ERGIC1: variants seen among roughly 807,000 people sequenced by gnomAD.
ERGIC1 encodes the protein endoplasmic reticulum-Golgi intermediate compartment protein 1.
ERGIC1 carries 19 observed loss-of-function variants against 38.3 expected under a neutral mutation model. The observed-to-expected ratio is 0.50, with a 90% CI of 0.35 to 0.73. The LOEUF (loss-of-function observed/expected upper bound fraction) is 0.73. Among genes scored for constraint, ERGIC1 ranks in the 30% least tolerant of loss-of-function variants. The pLI is 0.01. For missense variants in ERGIC1, 294 were observed against 389.2 expected (o/e 0.76, Z 2.06); for synonymous variants, 124 against 157.6 (o/e 0.79, Z 1.60).
intron 1 of ERGIC1, among the ~76,000 whole-genome samples, chr5:172,879,206 A>G (rs757437255): frequency 2.0e-5 from 3 of 152,250 alleles, no homozygotes; most frequent in Non-Finnish European, 2.9e-5. Flanking sequence ...GCATTCTGCT[A>G]TGAAAAGAAA....
chr5:172,943,654 G>T (rs899936864), intron 9 of ERGIC1, among the ~76,000 whole-genome samples: 1 of 152,164 alleles, frequency 6.6e-6, no homozygotes, highest in Non-Finnish European at 1.5e-5. Context: ...GGCAACTGAG[G>T]CTCAGAGAGG....
At chr5:172,932,394 G>C (rs1440020571) in intron 7 of ERGIC1, 42 bp from the exon 8 acceptor site, 1 of 1,602,090 alleles carries the variant, frequency 6.2e-7, no homozygotes, top group African/African-American at 1.3e-5. Flanking sequence ...TCAGCGGGCA[G>C]TGCCCGTCCC....
chr5:172,886,057 C>T (rs764712709), intron 1 of ERGIC1, among the ~76,000 whole-genome samples: 2 of 151,976 alleles, frequency 1.3e-5, no homozygotes, highest in Non-Finnish European at 1.5e-5. Context: ...TCTCTCCATT[C>T]CCTCTCCCCA....
At chr5:172,835,407 A>T (rs916702926) in intron 1 of ERGIC1, among the ~76,000 whole-genome samples, 1 of 152,166 alleles carries the variant, frequency 6.6e-6, no homozygotes, top group African/African-American at 2.4e-5. Context: ...GAGCGCCCTC[A>T]GTTTCACCAC....
chr5:172,900,709 C>CA (rs1171493535), intron 3 of ERGIC1, among the ~76,000 whole-genome samples: 2,349 of 112,386 alleles, frequency 0.021, 53 homozygotes, highest in African/African-American at 0.063. Context: ...GACCCTATCT[C>CA]AAAAAAAAAA....
chr5:172,886,767 G>A (rs1436382520), intron 1 of ERGIC1, among the ~76,000 whole-genome samples: 1 of 152,182 alleles, frequency 6.6e-6, no homozygotes, highest in Non-Finnish European at 1.5e-5. Context: ...GGCACAGAGA[G>A]GTTAAGTGAC....
At chr5:172,907,109 C>T (rs1763049927) in intron 3 of ERGIC1, among the ~76,000 whole-genome samples, 1 of 152,210 alleles carries the variant, frequency 6.6e-6, no homozygotes, top group African/African-American at 2.4e-5. Flanking sequence ...TACAGCCCTC[C>T]TCCTCTCCAT....
chr5:172,945,892 C>T (rs141016490), intron 9 of ERGIC1, among the ~76,000 whole-genome samples: 1,751 of 152,282 alleles, frequency 0.011, 29 homozygotes, highest in African/African-American at 0.039. Context: ...ACCAAGTGAC[C>T]AGGTTGGTCG....
At chr5:172,859,014 T>TA (rs1761629090) in intron 1 of ERGIC1, among the ~76,000 whole-genome samples, 1 of 152,154 alleles carries the variant, frequency 6.6e-6, no homozygotes, top group African/African-American at 2.4e-5. Flanking sequence ...AGCCCAGACT[T>TA]ACCTTCATAG....
At position 172,923,889 on chromosome 5, in the gene ERGIC1, C is replaced by G. The variant is rs1581578998; in HGVS notation, c.376-116C>G. The G allele has an allele frequency of 1.9e-5, 17 of 897,816 alleles. No homozygotes were observed. In the South Asian group the frequency reaches 2.5e-4, roughly 13 times the overall value. The allele number at this position is 897,816 out of a possible 1,614,324, so 55.6% of individuals were successfully genotyped here. On this transcript the variant is annotated intron_variant, in intron 5 of 9. Transcript: ENST00000393784. ...CAGTTGAAAATGATACAAGCAGGAT[C>G]CAAACCCAGATCTGCCTGATTCCAG...
intron 1 of ERGIC1, chr5:172,866,958 T>G (rs1206451245): frequency 2.9e-6 from 1 of 342,744 alleles, no homozygotes; most frequent in Non-Finnish European, 5.9e-6. Context: ...AATGAATGCA[T>G]GAAAAAATGC....
chr5:172,845,812 G>T (rs950199808), intron 1 of ERGIC1, among the ~76,000 whole-genome samples: 6 of 152,016 alleles, frequency 3.9e-5, no homozygotes, highest in Non-Finnish European at 5.9e-5. Context: ...TAAACTCTGG[G>T]CTCTATTTGG....
chr5:172,885,477 C>T lies in ERGIC1; in HGVS notation c.21-3222C>T, dbSNP rs528301571. Reference sequence around the variant, plus strand: ...ACTGCGAGGCCCAGTTTCTGCTTGTCGGTCCCTGATGGTGACCTGGACAAA... The same window carrying T: ...ACTGCGAGGCCCAGTTTCTGCTTGTTGGTCCCTGATGGTGACCTGGACAAA... On this transcript the variant is annotated intron_variant, in intron 1 of 9. Coordinates refer to ENST00000393784, the MANE Select transcript of ERGIC1 (RefSeq NM_001031711.3). 7.0e-4 allele frequency among the ~76,000 whole-genome samples: 106 copies of T among 152,226 alleles called. 1 individual carries two copies. The highest frequency in any genetic ancestry group is 8.5e-4 in the Admixed American group (13 of 15,286).
intron 3 of ERGIC1, among the ~76,000 whole-genome samples, chr5:172,901,372 C>T (rs576352505): frequency 3.3e-4 from 51 of 152,270 alleles, no homozygotes; most frequent in Admixed American, 4.6e-4. Context: ...GGAGCAGGCC[C>T]CTCCTCAGGC....
At chr5:172,918,277 A>G (rs1447984088) in intron 5 of ERGIC1, 1 of 152,280 alleles carries the variant, frequency 6.6e-6, no homozygotes, top group East Asian at 1.9e-4. Flanking sequence ...CTATTTAAAT[A>G]TCTCTTTACT....
chr5:172,850,588 G>T (rs901298795), intron 1 of ERGIC1, among the ~76,000 whole-genome samples: 2 of 152,118 alleles, frequency 1.3e-5, no homozygotes, highest in African/African-American at 4.8e-5. Flanking sequence ...CCCACTCGCT[G>T]TGTGTCCTTG....
chr5:172,906,864 C>T (rs1332834146), intron 3 of ERGIC1, among the ~76,000 whole-genome samples: 4 of 152,116 alleles, frequency 2.6e-5, no homozygotes, highest in Admixed American at 2.0e-4. Context: ...GAATCAGATG[C>T]GGCCATCAGA....
chr5:172,920,717 T>C, intron 5 of ERGIC1: 1 of 473,052 alleles, frequency 2.1e-6, no homozygotes, highest in East Asian at 4.0e-5. Flanking sequence ...GACAGCCTTC[T>C]TGACTCACTT....
At position 172,840,619 on chromosome 5, in the gene ERGIC1, G is replaced by T. The variant is rs79926900; in HGVS notation, c.20+6186G>T. Among the ~76,000 whole-genome samples the T allele has an allele frequency of 2.9e-3, 438 of 152,258 alleles. 7 individuals are homozygous for T. In the East Asian group the frequency reaches 0.044, roughly 15 times the overall value. ...GAGAGCCTTGCCTCGGGAGGCTGGG[G>T]CGTGGAGTTCCCGTCCCACCCATCA... On this transcript the variant is annotated intron_variant, in intron 1 of 9. Transcript: ENST00000393784.
Sources: allele counts gnomAD v4.1 joint callset (sites outside exome capture counted in the v4.1 genomes callset), GRCh38; gene constraint gnomAD v4.1.1; transcripts MANE v1.5; gene names NCBI Gene and HGNC (gene_info 2026-07-23, HGNC 2026-07-21).